The following ARHGAP6 variants were observed in gnomAD, a reference collection of about 807,000 sequenced individuals.
ARHGAP6 encodes Rho GTPase activating protein 6.
ARHGAP6 carries 16 observed loss-of-function variants against 55.7 expected under a neutral mutation model. The observed-to-expected ratio is 0.29, with a 90% CI of 0.19 to 0.44. The LOEUF is 0.44. ARHGAP6 is among the 20% of genes least tolerant of loss of function. ARHGAP6 has a pLI of 1.00. For missense variants in ARHGAP6, 698 were observed against 808.9 expected (o/e 0.86, Z 1.66); for synonymous variants, 382 against 360.9 (o/e 1.06, Z -0.66).
intron 1 of ARHGAP6, among the ~76,000 whole-genome samples, chrX:11,519,817 A>G (rs2050893504): frequency 9.4e-6 from 1 of 106,613 alleles, no homozygotes; most frequent in African/African-American, 3.5e-5. Context: ...CCTTCCTTAC[A>G]CCTTACACAA....
At chrX:11,332,409 A>T (rs2048574105) in intron 1 of ARHGAP6, among the ~76,000 whole-genome samples, 1 of 111,740 alleles carries the variant, frequency 8.9e-6, no homozygotes, top group Non-Finnish European at 1.9e-5. Context: ...AATGTTCTAG[A>T]GGACACATAC....
intron 4 of ARHGAP6, among the ~76,000 whole-genome samples, 166 bp downstream of exon 4, chrX:11,188,562 T>G (rs1237682431): frequency 8.9e-6 from 1 of 112,528 alleles, no homozygotes; most frequent in Non-Finnish European, 1.9e-5. Flanking sequence ...TCTGAGGCTA[T>G]GCAAGGTGCC....
intron 1 of ARHGAP6, among the ~76,000 whole-genome samples, chrX:11,448,544 G>A (rs754509589): frequency 2.7e-5 from 3 of 111,794 alleles, no homozygotes; most frequent in Non-Finnish European, 5.6e-5. Flanking sequence ...TCAAGCCCCT[G>A]CATGAACTGG....
intron 1 of ARHGAP6, among the ~76,000 whole-genome samples, chrX:11,486,136 G>T (rs2050508961): frequency 9.0e-6 from 1 of 111,501 alleles, no homozygotes; most frequent in African/African-American, 3.3e-5. Context: ...GAAAAATGAT[G>T]TTTTGACCAT....
chrX:11,509,400 T>G lies in ARHGAP6; in HGVS notation c.588+154841A>C, dbSNP rs746524796. On this transcript the variant is annotated intron_variant, in intron 1 of 12. Transcript: ENST00000337414. Reference sequence around the variant, plus strand: ...CTATATATAGAAGACAGAGATGTCTTCTTTAAGTTGTACCTCAAATTCTAC... The same window carrying G: ...CTATATATAGAAGACAGAGATGTCTGCTTTAAGTTGTACCTCAAATTCTAC... Among the ~76,000 whole-genome samples, 7 of 111,584 alleles carry G rather than the reference T, an allele frequency of 6.3e-5. No homozygotes were observed. In the South Asian group the frequency reaches 2.6e-3, roughly 42 times the overall value.
At position 11,153,474 on chromosome X, in the gene ARHGAP6, G is replaced by A. The variant is rs746173291; in HGVS notation, c.1907+3055C>T. On this transcript the variant is annotated intron_variant, in intron 10 of 12. Coordinates refer to ENST00000337414, the MANE Select transcript of ARHGAP6 (RefSeq NM_013427.3). ...CGGGAGGTGGGGATTGCAGTGAGCC[G>A]AGATTGTGCCACTGTACTCCAGCCT... 9.4e-5 allele frequency among the ~76,000 whole-genome samples: 9 copies of A among 95,258 alleles called. 1 individual carries two copies. The highest frequency in any genetic ancestry group is 3.7e-4 in the Admixed American group (3 of 8,111). 82.7% of individuals were successfully genotyped at this position (95,258 alleles called of 115,157 possible).
chrX:11,417,064 A>ATATG (rs2049758701), intron 1 of ARHGAP6, among the ~76,000 whole-genome samples: 1 of 19,544 alleles, frequency 5.1e-5, no homozygotes, highest in African/African-American at 1.6e-4. Flanking sequence ...GTGTACATAT[A>ATATG]TATATATATA....
chrX:11,443,148 T>G lies in ARHGAP6; in HGVS notation c.589-188441A>C, dbSNP rs1176121737. ...TTCAAACACCATTGATCTGTTTGCC[T>G]GTTTCTGAACTTTAAGGCCACAGAA... On this transcript the variant is annotated intron_variant, in intron 1 of 12. Coordinates refer to ENST00000337414, the MANE Select transcript of ARHGAP6 (RefSeq NM_013427.3). Among the ~76,000 whole-genome samples, 4 of 112,426 alleles carry G rather than the reference T, an allele frequency of 3.6e-5. No individual in the cohort carries two copies. The South Asian group carries it at 1.5e-3, about 42-fold the overall frequency.
chrX:11,314,616 T>C, intron 1 of ARHGAP6, among the ~76,000 whole-genome samples: 2 of 112,386 alleles, frequency 1.8e-5, no homozygotes, highest in Middle Eastern at 9.2e-3. Context: ...CTGCAAAAGA[T>C]ATGATCTCAT....
intron 2 of ARHGAP6, among the ~76,000 whole-genome samples, chrX:11,214,977 T>C (rs2046858873): frequency 1.8e-5 from 2 of 113,119 alleles, no homozygotes; most frequent in African/African-American, 6.4e-5. Context: ...ATGGCCCCAG[T>C]GTCGTTGTCT....
chrX:11,565,934 T>C (rs765324118), intron 1 of ARHGAP6, among the ~76,000 whole-genome samples: 4 of 111,605 alleles, frequency 3.6e-5, no homozygotes, highest in Non-Finnish European at 7.5e-5. Context: ...ATGGCAATTG[T>C]CAAGGAGGGA....
chrX:11,581,976 GAAC>G (rs914317123), intron 1 of ARHGAP6, among the ~76,000 whole-genome samples: 5 of 111,035 alleles, frequency 4.5e-5, no homozygotes, highest in African/African-American at 1.6e-4. Context: ...TTACACCTTA[GAAC>G]AACAAAAAAA....
intron 1 of ARHGAP6, among the ~76,000 whole-genome samples, chrX:11,295,215 AG>A (rs1212041282): frequency 9.0e-6 from 1 of 111,635 alleles, no homozygotes; most frequent in Non-Finnish European, 1.9e-5. Flanking sequence ...CAAATATTAC[AG>A]AGATGCCAGT....
At chrX:11,303,491 C>A (rs1361070259) in intron 1 of ARHGAP6, among the ~76,000 whole-genome samples, 2 of 111,899 alleles carry the variant, frequency 1.8e-5, no homozygotes, top group African/African-American at 6.5e-5. Flanking sequence ...ACACTTGAAT[C>A]CTCTATCACA....
At chrX:11,394,957 G>GA (rs1213977337) in intron 1 of ARHGAP6, among the ~76,000 whole-genome samples, 1 of 112,026 alleles carries the variant, frequency 8.9e-6, no homozygotes, top group African/African-American at 3.2e-5. Context: ...GATGACAGCA[G>GA]AACATTAGTC....
rs1299164206 is a variant in ARHGAP6 at position 11,358,429 on chromosome X, G to GTATC, written c.589-103726_589-103723dup. On this transcript the variant is annotated intron_variant, in intron 1 of 12. Coordinates refer to ENST00000337414, the MANE Select transcript of ARHGAP6 (RefSeq NM_013427.3). ...CATATGGTAGTTCTACGTTTTAACT[G>GTATC]TATCTTTCTTTCTTTCTTTCTTTCT... Among the ~76,000 whole-genome samples the GTATC allele has an allele frequency of 5.8e-5, 5 of 85,472 alleles. No homozygotes were observed. The South Asian group carries it at 2.5e-3, about 42-fold the overall frequency. 74.2% of individuals were successfully genotyped at this position (85,472 alleles called of 115,157 possible). A position where few individuals can be genotyped will look rare whatever the true frequency, so the allele number is the denominator to read the frequency against.
At chrX:11,331,562 T>TA (rs1445985243) in intron 1 of ARHGAP6, among the ~76,000 whole-genome samples, 1 of 111,713 alleles carries the variant, frequency 9.0e-6, no homozygotes, top group Admixed American at 9.5e-5. Flanking sequence ...CCCTTAGAGT[T>TA]AGTAAATGAA....
chrX:11,279,291 A>C (rs1466165824), intron 1 of ARHGAP6, among the ~76,000 whole-genome samples: 1 of 112,357 alleles, frequency 8.9e-6, no homozygotes, highest in Non-Finnish European at 1.9e-5. Context: ...AGCACTGAAT[A>C]TATTTTATTA....
intron 1 of ARHGAP6, among the ~76,000 whole-genome samples, chrX:11,390,646 G>A (rs1381211307): frequency 8.9e-6 from 1 of 111,764 alleles, no homozygotes; most frequent in African/African-American, 3.3e-5. Flanking sequence ...ATCAAAAAGT[G>A]GGCAAAGGAT....
Sources: gnomAD v4.1 joint callset for allele counts (sites outside exome capture counted in the v4.1 genomes callset) on GRCh38, gnomAD v4.1.1 for gene constraint, MANE v1.5 for transcripts, NCBI Gene and HGNC (gene_info 2026-07-23, HGNC 2026-07-21) for gene names.